Variants in TENM2 observed in about 807,000 individuals in gnomAD.
TENM2 encodes teneurin transmembrane protein 2.
In TENM2, 52 loss-of-function variants were observed where a neutral mutation model predicts 245.2. The observed-to-expected ratio is 0.21, with a 90% CI of 0.17 to 0.27. TENM2 has a LOEUF of 0.27. Among genes scored for constraint, TENM2 ranks in the 10% least tolerant of loss-of-function variants. The probability of loss-of-function intolerance (pLI) is 1.00; values close to 1 mark genes in which losing one functional copy is unlikely to be tolerated. For synonymous variants in TENM2, 1,363 were observed against 1,438.9 expected (o/e 0.95, Z 1.19); for missense variants, 3,046 against 3,666.8 (o/e 0.83, Z 4.37).
chr5:167,093,581 G>A, the TENM2 span, among the ~76,000 whole-genome samples: 11 of 152,234 alleles, frequency 7.2e-5, no homozygotes, highest in East Asian at 9.7e-4. Context: ...TAAGGTTTCC[G>A]AATGTTGTTA....
At chr5:167,983,311 GA>G (rs201221259) in intron 4 of TENM2, among the ~76,000 whole-genome samples, 25 of 151,202 alleles carry the variant, frequency 1.7e-4, no homozygotes, top group East Asian at 3.9e-4. Context: ...TTTCATGGAG[GA>G]AAAAAAAAGT....
chr5:167,582,092 G>A (rs1052351825), intron 2 of TENM2, among the ~76,000 whole-genome samples: 1 of 152,040 alleles, frequency 6.6e-6, no homozygotes, highest in Non-Finnish European at 1.5e-5. Flanking sequence ...ACATAAATCT[G>A]GCTTTATGGA....
At chr5:167,867,299 T>C (rs1055470344) in intron 2 of TENM2, among the ~76,000 whole-genome samples, 11 of 152,216 alleles carry the variant, frequency 7.2e-5, no homozygotes, top group Non-Finnish European at 1.6e-4. Context: ...CTCATCTATA[T>C]TTGACACCTT....
the TENM2 span, among the ~76,000 whole-genome samples, chr5:167,141,632 A>T: frequency 6.6e-6 from 1 of 152,212 alleles, no homozygotes; most frequent in Non-Finnish European, 1.5e-5. Context: ...TGGGACTCTC[A>T]TAATGAATTA....
chr5:167,925,747 A>G (rs948458456), intron 3 of TENM2, among the ~76,000 whole-genome samples: 6 of 152,258 alleles, frequency 3.9e-5, no homozygotes, highest in Non-Finnish European at 7.3e-5. Flanking sequence ...AATGTGGTAC[A>G]TATACACCAT....
At chr5:167,781,773 C>A (rs757128508) in intron 2 of TENM2, among the ~76,000 whole-genome samples, 2 of 152,104 alleles carry the variant, frequency 1.3e-5, no homozygotes, top group Non-Finnish European at 2.9e-5. Flanking sequence ...CACCTATAAT[C>A]CCAGCACTTT....
At chr5:167,284,792 G>T (rs1026738515), upstream of TENM2, 2 of 1,471,180 alleles carry the variant, frequency 1.4e-6, no homozygotes, top group Admixed American at 3.9e-5. Flanking sequence ...CCAAAACTCA[G>T]GCCTGACTTT....
At chr5:167,496,992 A>G (rs1360666851) in intron 2 of TENM2, among the ~76,000 whole-genome samples, 2 of 152,092 alleles carry the variant, frequency 1.3e-5, no homozygotes, top group East Asian at 3.9e-4. Context: ...AGACATTTTC[A>G]TTTTAATCAT....
intron 1 of TENM2, among the ~76,000 whole-genome samples, chr5:167,357,865 G>C (rs1036651299): frequency 9.2e-5 from 14 of 152,048 alleles, no homozygotes; most frequent in Non-Finnish European, 1.9e-4. Flanking sequence ...TCTTCAATCA[G>C]AAACGAATTT....
At chr5:167,023,450 T>C in the TENM2 span, among the ~76,000 whole-genome samples, 2 of 152,142 alleles carry the variant, frequency 1.3e-5, no homozygotes, top group Non-Finnish European at 2.9e-5. Context: ...AGAGGGTTAG[T>C]TGAAAATCTT....
At chr5:168,230,703 T>C (rs1764796563) in intron 25 of TENM2, among the ~76,000 whole-genome samples, 1 of 152,222 alleles carries the variant, frequency 6.6e-6, no homozygotes. Flanking sequence ...TGAAAGTTCA[T>C]TTATTCAAAA....
chr5:167,901,369 C>T (rs1775693112), intron 3 of TENM2, among the ~76,000 whole-genome samples: 1 of 152,118 alleles, frequency 6.6e-6, no homozygotes, highest in Non-Finnish European at 1.5e-5. Flanking sequence ...AATTCTAGAT[C>T]ATTACATATT....
the TENM2 span, among the ~76,000 whole-genome samples, chr5:167,272,556 C>G: frequency 1.0e-3 from 155 of 152,250 alleles, no homozygotes; most frequent in African/African-American, 3.6e-3. Flanking sequence ...TTAACATTAG[C>G]TCAAATTAAG....
chr5:167,719,889 G>C (rs972375108), intron 2 of TENM2, among the ~76,000 whole-genome samples: 2 of 152,066 alleles, frequency 1.3e-5, no homozygotes, highest in Non-Finnish European at 1.5e-5. Flanking sequence ...ACCTGGCCCA[G>C]GTGTCAAAAG....
At chr5:167,021,087 T>G in the TENM2 span, among the ~76,000 whole-genome samples, 4,560 of 152,164 alleles carry the variant, frequency 0.03, 220 homozygotes, top group African/African-American at 0.1. Context: ...GAGGTTGCAG[T>G]GAGCTGAGAT....
At chr5:167,384,049 T>C (rs1158480299) in intron 2 of TENM2, among the ~76,000 whole-genome samples, 2 of 152,212 alleles carry the variant, frequency 1.3e-5, no homozygotes, top group Non-Finnish European at 2.9e-5. Flanking sequence ...TGGTTGTCTT[T>C]GTATTGGTAA....
At chr5:167,071,904 C>T in the TENM2 span, among the ~76,000 whole-genome samples, 2 of 148,306 alleles carry the variant, frequency 1.3e-5, no homozygotes, top group South Asian at 2.2e-4. Flanking sequence ...AACCCCCAAC[C>T]GTCTGGAAAA....
chr5:167,156,737 C>T, the TENM2 span, among the ~76,000 whole-genome samples: 1 of 152,326 alleles, frequency 6.6e-6, no homozygotes, highest in Non-Finnish European at 1.5e-5. Context: ...GCAAAATGCA[C>T]TCTCCTGGGT....
At chr5:167,840,026 A>G (rs550909508) in intron 2 of TENM2, among the ~76,000 whole-genome samples, 2 of 152,168 alleles carry the variant, frequency 1.3e-5, no homozygotes, top group South Asian at 2.1e-4. Flanking sequence ...TCACCGTGTT[A>G]GCCAGGCTGG....
Sources: allele counts gnomAD v4.1 joint callset (sites outside exome capture counted in the v4.1 genomes callset), GRCh38; gene constraint gnomAD v4.1.1; transcripts MANE v1.5; gene names NCBI Gene and HGNC (gene_info 2026-07-23, HGNC 2026-07-21).